The following FHIT variants were observed in gnomAD, a reference collection of about 807,000 sequenced individuals.
FHIT encodes the protein bis(5'-adenosyl)-triphosphatase.
FHIT carries 19 observed loss-of-function variants against 17.9 expected under a neutral mutation model. The ratio of observed to expected loss-of-function variants is 1.06; its 90% CI spans 0.74 to 1.56. FHIT has a LOEUF of 1.56. Among genes scored for constraint, FHIT ranks in the 40% most tolerant of loss-of-function variants. FHIT has a pLI of 0.00. For missense variants in FHIT, 248 were observed against 189.2 expected, an observed-to-expected ratio of 1.31 and a Z score of -1.82; for synonymous variants, 81 against 69.7, an observed-to-expected ratio of 1.16 and a Z score of -0.81.
intron 7 of FHIT, among the ~76,000 whole-genome samples, chr3:59,929,859 G>GC (rs1479181602): frequency 1.7e-5 from 2 of 118,274 alleles, no homozygotes; most frequent in African/African-American, 5.8e-5. Flanking sequence ...TATGATACAC[G>GC]CTTTTTTTTT....
rs552364675 is a variant in FHIT, at chr3:60,644,353, T to C, written c.-17-107374A>G. On this transcript the variant is annotated intron_variant, in intron 4 of 9. Transcript: ENST00000492590. ...TAATACAAGCATGTTGAAAAACTGA[T>C]ACCGTGAAATATTGAAAATTTGAAA... 2.2e-4 allele frequency among the ~76,000 whole-genome samples: 34 copies of C among 152,326 alleles called. No individual in the cohort carries two copies. The South Asian group carries it at 5.2e-3, about 23-fold the overall frequency.
intron 5 of FHIT, among the ~76,000 whole-genome samples, chr3:60,474,626 A>ATTTTTT (rs111518978): frequency 1.4e-5 from 2 of 145,700 alleles, no homozygotes; most frequent in African/African-American, 2.5e-5. Flanking sequence ...ACACAATACA[A>ATTTTTT]TTTTTTTTTT....
At chr3:60,804,389 G>T (rs1553733321) in intron 4 of FHIT, among the ~76,000 whole-genome samples, 2 of 152,136 alleles carry the variant, frequency 1.3e-5, no homozygotes, top group African/African-American at 4.8e-5. Context: ...CTTTAGTTCA[G>T]ATGCTCTCAG....
intron 2 of FHIT, among the ~76,000 whole-genome samples, chr3:61,045,444 C>A (rs1320541080): frequency 6.6e-6 from 1 of 152,146 alleles, no homozygotes; most frequent in African/African-American, 2.4e-5. Flanking sequence ...GCTAACTATC[C>A]TAAATATATA....
intron 4 of FHIT, among the ~76,000 whole-genome samples, chr3:60,626,586 T>G (rs1166370180): frequency 6.6e-6 from 1 of 152,106 alleles, no homozygotes; most frequent in African/African-American, 2.4e-5. Flanking sequence ...CTTGTTTATT[T>G]CTGATAGGTT....
intron 5 of FHIT, among the ~76,000 whole-genome samples, chr3:60,148,433 T>A (rs1474696396): frequency 6.6e-6 from 1 of 152,230 alleles, no homozygotes; most frequent in African/African-American, 2.4e-5. Flanking sequence ...CTGTATAGTA[T>A]TTATTTTTAT....
chr3:60,362,773 T>A (rs1180812435), intron 5 of FHIT, among the ~76,000 whole-genome samples: 1 of 152,160 alleles, frequency 6.6e-6, no homozygotes, highest in Non-Finnish European at 1.5e-5. Flanking sequence ...TTGCCTTCCT[T>A]ATAGAGTTAT....
At chr3:60,269,451 T>C (rs1033100841) in intron 5 of FHIT, among the ~76,000 whole-genome samples, 4 of 152,216 alleles carry the variant, frequency 2.6e-5, no homozygotes, top group South Asian at 2.1e-4. Flanking sequence ...TATTTTCCAG[T>C]GAGTTATGAC....
At chr3:59,889,382 G>A (rs916978950) in intron 8 of FHIT, among the ~76,000 whole-genome samples, 1 of 152,178 alleles carries the variant, frequency 6.6e-6, no homozygotes, top group African/African-American at 2.4e-5. Context: ...AAAAGGACAA[G>A]TCATGAATCT....
chr3:60,537,815 G>A (rs2036040161), intron 4 of FHIT, among the ~76,000 whole-genome samples: 1 of 152,146 alleles, frequency 6.6e-6, no homozygotes. Flanking sequence ...CACACTTTGT[G>A]AATGACTAAG....
At chr3:60,931,367 A>G (rs1017341250) in intron 3 of FHIT, among the ~76,000 whole-genome samples, 1 of 152,182 alleles carries the variant, frequency 6.6e-6, no homozygotes, top group African/African-American at 2.4e-5. Context: ...AGTATAATTT[A>G]AAAAAATAAT....
intron 5 of FHIT, among the ~76,000 whole-genome samples, chr3:60,451,417 T>G (rs1008053314): frequency 5.9e-5 from 9 of 152,106 alleles, no homozygotes; most frequent in Non-Finnish European, 1.2e-4. Flanking sequence ...CCGAATAAAC[T>G]CATCTCCTTA....
intron 5 of FHIT, among the ~76,000 whole-genome samples, chr3:60,140,152 C>G (rs1699978671): frequency 1.3e-5 from 2 of 151,894 alleles, no homozygotes; most frequent in Non-Finnish European, 2.9e-5. Flanking sequence ...TTGTAGATTA[C>G]AGATTGATAA....
chr3:60,051,008 G>A (rs1197827146), intron 5 of FHIT, among the ~76,000 whole-genome samples: 2 of 152,156 alleles, frequency 1.3e-5, no homozygotes, highest in Non-Finnish European at 2.9e-5. Flanking sequence ...CACAGTTTGT[G>A]TCCTCAGAGG....
chr3:60,058,603 CT>C (rs1311938551), intron 5 of FHIT, among the ~76,000 whole-genome samples: 2 of 152,102 alleles, frequency 1.3e-5, no homozygotes, highest in Admixed American at 1.3e-4. Flanking sequence ...CTGCTTTTCC[CT>C]TTGAAAGATG....
intron 5 of FHIT, among the ~76,000 whole-genome samples, chr3:60,263,738 C>A (rs1184822824): frequency 6.6e-6 from 1 of 151,730 alleles, no homozygotes; most frequent in East Asian, 1.9e-4. Context: ...CTACAGTAAT[C>A]CACAGTGTAT....
At position 61,142,852 on chromosome 3, in the gene FHIT, T is replaced by A. The variant is rs190224062; in HGVS notation, c.-164+57765A>T. On this transcript the variant is annotated intron_variant, in intron 2 of 9. Transcript: ENST00000492590. ...GGGGAAAAGCTAGAAGTCTGACACA[T>A]AGAAAGAAAGAAAGGGAAAATATTA... is the stretch of plus-strand genomic sequence containing the variant. 5.3e-5 allele frequency among the ~76,000 whole-genome samples: 8 copies of A among 152,178 alleles called. No individual in the cohort carries two copies. In the East Asian group the frequency reaches 1.2e-3, roughly 22 times the overall value.
chr3:61,152,490 C>CT (rs1161181389), intron 2 of FHIT, among the ~76,000 whole-genome samples: 33 of 152,196 alleles, frequency 2.2e-4, no homozygotes, highest in Admixed American at 1.6e-3. Flanking sequence ...CAAAAATAAG[C>CT]TTTTTTTAAT....
chr3:60,626,793 T>TTTG (rs2039300963), intron 4 of FHIT, among the ~76,000 whole-genome samples: 1 of 63,590 alleles, frequency 1.6e-5, no homozygotes, highest in African/African-American at 4.8e-5. Flanking sequence ...CTCTTTTTTT[T>TTTG]TTTTTTTTTT....
Sources: gnomAD v4.1 joint callset for allele counts (sites outside exome capture counted in the v4.1 genomes callset) on GRCh38, gnomAD v4.1.1 for gene constraint, MANE v1.5 for transcripts, NCBI Gene and HGNC (gene_info 2026-07-23, HGNC 2026-07-21) for gene names.